KLRD1: variants seen among roughly 807,000 people sequenced by gnomAD.
KLRD1 encodes killer cell lectin like receptor D1, also known as natural killer cells antigen CD94.
A neutral mutation model predicts 22.6 loss-of-function variants in KLRD1; 21 were observed. The observed-to-expected ratio is 0.93, with a 90% confidence interval of 0.66 to 1.34. The LOEUF (loss-of-function observed/expected upper bound fraction) is 1.34, where lower values mean the gene tolerates loss of function less well. Ranked by LOEUF, KLRD1 falls within the 40% of genes most tolerant of loss-of-function variation. The pLI is 0.00. For missense variants in KLRD1, 183 were observed against 208.6 expected (o/e 0.88, Z 0.76); for synonymous variants, 59 against 71.1 (o/e 0.83, Z 0.85).
intron 1 of KLRD1, among the ~76,000 whole-genome samples, chr12:10,256,798 T>C (rs1231396679): frequency 2.6e-5 from 4 of 152,094 alleles, no homozygotes; most frequent in African/African-American, 9.7e-5. Flanking sequence ...CAGAGATCTT[T>C]ATATCTTCAT....
At chr12:10,303,190 G>A (rs559483769), upstream of KLRD1, among the ~76,000 whole-genome samples, 6 of 152,288 alleles carry the variant, frequency 3.9e-5, no homozygotes, top group African/African-American at 1.4e-4. Context: ...GAAGCACTCC[G>A]TCCTGCTTCT....
intron 1 of KLRD1, among the ~76,000 whole-genome samples, chr12:10,289,969 G>A (rs772767393): frequency 2.6e-5 from 4 of 152,022 alleles, no homozygotes; most frequent in Non-Finnish European, 5.9e-5. Flanking sequence ...GTAGAGATGG[G>A]GTTTCTCCAT....
chr12:10,289,035 C>T (rs998708505), intron 1 of KLRD1, among the ~76,000 whole-genome samples: 2 of 152,240 alleles, frequency 1.3e-5, no homozygotes, highest in East Asian at 3.9e-4. Flanking sequence ...CAAGTTCCAT[C>T]GGCAGATACT....
intron 3 of KLRD1, 120 bp downstream of exon 3, chr12:10,309,808 T>C: frequency 1.4e-6 from 1 of 690,618 alleles, no homozygotes; most frequent in Non-Finnish European, 2.6e-6. Flanking sequence ...TGCCTACCAG[T>C]GTAGGATAGT....
At chr12:10,306,274 G>A (rs559452382), upstream of KLRD1, among the ~76,000 whole-genome samples, 5 of 152,278 alleles carry the variant, frequency 3.3e-5, no homozygotes, top group South Asian at 2.1e-4. Flanking sequence ...ATGTGTGTGT[G>A]TGTGTGTGTG....
chr12:10,266,433 T>C (rs1052933460), intron 1 of KLRD1, among the ~76,000 whole-genome samples: 8 of 152,136 alleles, frequency 5.3e-5, no homozygotes, highest in African/African-American at 1.7e-4. Flanking sequence ...TTCCTACTTA[T>C]GTATCCTTGG....
Position 10,318,295 on chromosome 12 carries a change from A to C in KLRD1, c.*3502A>C, listed in dbSNP as rs1020135606. 2 of 152,178 alleles carry C rather than the reference A, an allele frequency of 1.3e-5. No homozygotes were observed. The highest frequency in any genetic ancestry group is 2.9e-5 in the Non-Finnish European group (2 of 68,020). The allele number at this position is 152,178 out of a possible 1,614,324, so 9.4% of individuals were successfully genotyped here. A position where few individuals can be genotyped will look rare whatever the true frequency, so the allele number is the denominator to read the frequency against. ...AGTTCTTTAAAGTTCAAAATCCCTC[A>C]GTGGAATCCAGGGTCAATTTGTTTA... On this transcript the variant is annotated 3_prime_UTR_variant, in exon 6 of 6. Coordinates refer to ENST00000336164, the MANE Select transcript of KLRD1 (RefSeq NM_002262.5).
At chr12:10,296,786 C>T (rs578243548) in intron 1 of KLRD1, among the ~76,000 whole-genome samples, 5 of 152,246 alleles carry the variant, frequency 3.3e-5, no homozygotes, top group Admixed American at 1.3e-4. Context: ...ACCCCCCGGC[C>T]CCTGCAGTAC....
At chr12:10,309,119 T>A (rs1949992734) in intron 1 of KLRD1, 1 of 295,344 alleles carries the variant, frequency 3.4e-6, no homozygotes, top group Non-Finnish European at 6.3e-6. Context: ...CTCTGCCAAT[T>A]TAAAATAAAT....
upstream of KLRD1, among the ~76,000 whole-genome samples, chr12:10,301,125 A>G (rs1400565900): frequency 6.6e-6 from 1 of 152,162 alleles, no homozygotes; most frequent in Non-Finnish European, 1.5e-5. Flanking sequence ...AGGGGGAAAA[A>G]TCCAACTAGG....
chr12:10,280,985 T>C (rs1165532347), intron 1 of KLRD1, among the ~76,000 whole-genome samples: 1 of 152,132 alleles, frequency 6.6e-6, no homozygotes, highest in Non-Finnish European at 1.5e-5. Flanking sequence ...GAATAATGGC[T>C]CCAAGTATAT....
At chr12:10,259,779 A>G (rs1241786046) in intron 1 of KLRD1, among the ~76,000 whole-genome samples, 1 of 152,166 alleles carries the variant, frequency 6.6e-6, no homozygotes, top group Non-Finnish European at 1.5e-5. Context: ...CAGCCTGGCC[A>G]ACATGGTGAA....
chr12:10,317,965 A>T lies in KLRD1; in HGVS notation c.*3172A>T, dbSNP rs1282306087. On this transcript the variant is annotated 3_prime_UTR_variant, in exon 6 of 6. Coordinates refer to ENST00000336164, the MANE Select transcript of KLRD1 (RefSeq NM_002262.5). Reference sequence around the variant, plus strand: ...CAGATCTAGTGAGAACTCACTCACTATCATGAGAACAGCAAAGAGGTAACT... The same window carrying T: ...CAGATCTAGTGAGAACTCACTCACTTTCATGAGAACAGCAAAGAGGTAACT... 6.6e-6 allele frequency: 1 copy of T among 152,222 alleles called. No individual in the cohort carries two copies. The highest frequency in any genetic ancestry group is 1.5e-5 in the Non-Finnish European group (1 of 68,042). 9.4% of individuals were successfully genotyped at this position (152,222 alleles called of 1,614,324 possible). A position where few individuals can be genotyped will look rare whatever the true frequency, so the allele number is the denominator to read the frequency against.
At chr12:10,278,059 A>G (rs1182964833) in intron 1 of KLRD1, among the ~76,000 whole-genome samples, 4 of 152,226 alleles carry the variant, frequency 2.6e-5, no homozygotes, top group African/African-American at 9.6e-5. Context: ...TCTTATGCAG[A>G]GGCTTCCACT....
chr12:10,310,371 C>T (rs542522719), intron 3 of KLRD1, among the ~76,000 whole-genome samples: 1 of 152,306 alleles, frequency 6.6e-6, no homozygotes, highest in African/African-American at 2.4e-5. Flanking sequence ...CCACCTGCCT[C>T]GGCTTCCAAA....
At chr12:10,255,178 A>G (rs2137624197) in intron 1 of KLRD1, among the ~76,000 whole-genome samples, 1 of 152,338 alleles carries the variant, frequency 6.6e-6, no homozygotes, top group Non-Finnish European at 1.5e-5. Flanking sequence ...TGTGGAAAGC[A>G]GTACGGAGAT....
intron 1 of KLRD1, among the ~76,000 whole-genome samples, chr12:10,288,183 C>T (rs1949727734): frequency 6.8e-6 from 1 of 147,704 alleles, no homozygotes; most frequent in Non-Finnish European, 1.5e-5. Context: ...GTGGAGGTTA[C>T]AGTGAGCCGA....
At chr12:10,250,933 CCGCA>C (rs1949340728) in intron 1 of KLRD1, among the ~76,000 whole-genome samples, 1 of 152,046 alleles carries the variant, frequency 6.6e-6, no homozygotes, top group Non-Finnish European at 1.5e-5. Flanking sequence ...TTGAAAGCAG[CCGCA>C]AGTGCCATGT....
chr12:10,296,238 C>T (rs540588720), intron 1 of KLRD1, among the ~76,000 whole-genome samples: 16 of 152,204 alleles, frequency 1.1e-4, no homozygotes, highest in Non-Finnish European at 2.2e-4. Flanking sequence ...CAAAGGAGGC[C>T]GGGCACAGTG....
Sources: allele counts gnomAD v4.1 joint callset (sites outside exome capture counted in the v4.1 genomes callset), GRCh38; gene constraint gnomAD v4.1.1; transcripts MANE v1.5; gene names NCBI Gene and HGNC (gene_info 2026-07-23, HGNC 2026-07-21).